The following LMX1A variants were observed in gnomAD, a reference collection of about 807,000 sequenced individuals.
LMX1A encodes the protein LIM homeobox transcription factor 1-alpha.
Under a neutral mutation model 49.1 loss-of-function variants are expected in LMX1A, and 15 were observed. That is an observed-to-expected ratio of 0.31 (90% confidence interval 0.20 to 0.47). The LOEUF is 0.47. Ranked by LOEUF, LMX1A falls within the 20% of genes least tolerant of loss-of-function variation. The pLI, the probability that LMX1A is intolerant of heterozygous loss-of-function variation, is 1.00. For synonymous variants in LMX1A, 167 were observed against 185.7 expected (o/e 0.90, Z 0.82); for missense variants, 372 against 475.8 (o/e 0.78, Z 2.03).
chr1:165,209,587 T>A (rs1651277752), intron 6 of LMX1A, among the ~76,000 whole-genome samples: 1 of 152,144 alleles, frequency 6.6e-6, no homozygotes, highest in Admixed American at 6.5e-5. Flanking sequence ...AGGATGGGGA[T>A]AGAGAGCTTC....
chr1:165,251,512 C>T (rs766553459), intron 3 of LMX1A, among the ~76,000 whole-genome samples: 1 of 152,038 alleles, frequency 6.6e-6, no homozygotes, highest in Non-Finnish European at 1.5e-5. Context: ...AGGACTCATA[C>T]AGCAGAGGTA....
intron 6 of LMX1A, among the ~76,000 whole-genome samples, chr1:165,209,032 AGTGT>A (rs1361686324): frequency 6.6e-6 from 1 of 152,096 alleles, no homozygotes; most frequent in Non-Finnish European, 1.5e-5. Flanking sequence ...ATATACTTTG[AGTGT>A]GTGTATGTGT....
At chr1:165,293,032 G>A (rs544714798) in intron 3 of LMX1A, among the ~76,000 whole-genome samples, 6 of 151,844 alleles carry the variant, frequency 4.0e-5, no homozygotes, top group African/African-American at 9.7e-5. Flanking sequence ...CAGAAGATTC[G>A]CTTGAACCCG....
Position 165,275,836 on chromosome 1 carries a change from G to GGTGT in LMX1A, c.264-26200_264-26197dup, listed in dbSNP as rs71661277. Among the ~76,000 whole-genome samples the GGTGT allele has an allele frequency of 8.5e-4, 109 of 128,342 alleles. 1 individual carries two copies. The highest frequency in any genetic ancestry group is 3.5e-3 in the South Asian group (11 of 3,112). 84.2% of individuals were successfully genotyped at this position (128,342 alleles called of 152,430 possible). A position where few individuals can be genotyped will look rare whatever the true frequency, so the allele number is the denominator to read the frequency against. On this transcript the variant is annotated intron_variant, in intron 3 of 8. Transcript: ENST00000342310. ...GTTTCTAGAGCTTTTATGGCGCTGG[G>GGTGT]GTGTGTGTGTATGTGTGTGTGTGTG...
chr1:165,281,982 A>G (rs1401955999), intron 3 of LMX1A, among the ~76,000 whole-genome samples: 1 of 152,184 alleles, frequency 6.6e-6, no homozygotes, highest in African/African-American at 2.4e-5. Flanking sequence ...GAAATGGCCA[A>G]CTGTGGTTAG....
chr1:165,345,465 T>C (rs903203505), intron 3 of LMX1A, among the ~76,000 whole-genome samples: 1 of 152,218 alleles, frequency 6.6e-6, no homozygotes, highest in African/African-American at 2.4e-5. Context: ...TCTGGCCAAA[T>C]GACTCTCCTG....
intron 3 of LMX1A, among the ~76,000 whole-genome samples, chr1:165,285,582 C>A (rs754854212): frequency 6.6e-5 from 10 of 152,172 alleles, no homozygotes; most frequent in African/African-American, 1.2e-4. Flanking sequence ...TGCTTATGGG[C>A]TTCCTCGGGA....
Position 165,204,005 on chromosome 1 carries a change from C to T in LMX1A, c.1024G>A (p.Asp342Asn), listed in dbSNP as rs538869163. 6.8e-6 allele frequency: 11 copies of T among 1,614,038 alleles called. No homozygotes were observed. Among genetic ancestry groups the T allele is most frequent in the African/African-American group, 6.7e-5 (5 of 75,008 alleles). Reference sequence around the variant, plus strand: ...TCACCCAGGTTACTGAGGGAGGTGTCGTCGCTATCCAGGTCATGGAAAAGG... The same window carrying T: ...TCACCCAGGTTACTGAGGGAGGTGTTGTCGCTATCCAGGTCATGGAAAAGG... ...EPLFHDLDSDDTSLSNLGDCF... is the reference protein window; with the variant it reads ...EPLFHDLDSDNTSLSNLGDCF... Residue 342 changes from aspartate (D) to asparagine (N), a missense_variant, in exon 9 of 9, where the codon GAC becomes AAC. Asp to Asn is a conservative substitution (Grantham distance 23). Transcript: ENST00000342310.
At position 165,330,801 on chromosome 1, in the gene LMX1A, A is replaced by G. The variant is rs542017503; in HGVS notation, c.263+22275T>C. On this transcript the variant is annotated intron_variant, in intron 3 of 8. Transcript: ENST00000342310. Reference sequence around the variant, plus strand: ...AAACACAGCAGCTAGAAAGTGAGGGAATAAACCTGGAAAGACACAGAGAAG... The same window carrying G: ...AAACACAGCAGCTAGAAAGTGAGGGGATAAACCTGGAAAGACACAGAGAAG... Among the ~76,000 whole-genome samples the G allele has an allele frequency of 1.4e-4, 22 of 152,314 alleles. No individual in the cohort carries two copies. The South Asian group carries it at 4.6e-3, about 32-fold the overall frequency.
chr1:165,353,605 G>A lies in LMX1A; in HGVS notation c.77-343C>T, dbSNP rs73019192. ...AAATTTGTGCTCTCAGGTTTATTAC[G>A]TCGTAATTAATTATTAAATCACTAT... On this transcript the variant is annotated intron_variant, in intron 2 of 8. Coordinates refer to ENST00000342310, the MANE Select transcript of LMX1A (RefSeq NM_177398.4). Among the ~76,000 whole-genome samples, 520 of 152,214 alleles carry A rather than the reference G, an allele frequency of 3.4e-3. 2 individuals carry two copies. The highest frequency in any genetic ancestry group is 0.012 in the African/African-American group (485 of 41,512).
chr1:165,234,906 G>A (rs1413506886), intron 4 of LMX1A, among the ~76,000 whole-genome samples: 1 of 152,166 alleles, frequency 6.6e-6, no homozygotes, highest in African/African-American at 2.4e-5. Flanking sequence ...TCTCCCATCT[G>A]AAACCAGGCG....
intron 4 of LMX1A, among the ~76,000 whole-genome samples, chr1:165,229,139 G>C (rs1337740205): frequency 6.6e-6 from 1 of 150,662 alleles, no homozygotes; most frequent in South Asian, 2.1e-4. Flanking sequence ...AAAAAAATGT[G>C]GCCATTTAAA....
chr1:165,350,203 G>T (rs918782661), intron 3 of LMX1A, among the ~76,000 whole-genome samples: 3 of 129,822 alleles, frequency 2.3e-5, no homozygotes, highest in Non-Finnish European at 4.9e-5. Flanking sequence ...AAAAAGCAAA[G>T]CTATGTTTAC....
Position 165,340,119 on chromosome 1 carries a change from G to T in LMX1A, c.263+12957C>A, listed in dbSNP as rs529309133. 4.6e-5 allele frequency among the ~76,000 whole-genome samples: 7 copies of T among 152,138 alleles called. No homozygotes were observed. In the South Asian group the frequency reaches 8.3e-4, roughly 18 times the overall value. Reference sequence around the variant, plus strand: ...GCCTCTAGCAAACCTAGTTTGTTTGGTTTTTTGAGACAGGGTCTTGCTCTG... The same window carrying T: ...GCCTCTAGCAAACCTAGTTTGTTTGTTTTTTTGAGACAGGGTCTTGCTCTG... On this transcript the variant is annotated intron_variant, in intron 3 of 8. Coordinates refer to ENST00000342310, the MANE Select transcript of LMX1A (RefSeq NM_177398.4).
intron 3 of LMX1A, among the ~76,000 whole-genome samples, chr1:165,262,225 G>A (rs559063336): frequency 1.1e-4 from 16 of 152,214 alleles, no homozygotes; most frequent in South Asian, 4.1e-4. Context: ...TGAGGAAAGC[G>A]CTAGAAAAGC....
intron 4 of LMX1A, among the ~76,000 whole-genome samples, chr1:165,225,649 C>T (rs550933121): frequency 1.3e-5 from 2 of 152,296 alleles, no homozygotes; most frequent in African/African-American, 2.4e-5. Context: ...CAGTGGTTTT[C>T]AAAATGAGCA....
intron 4 of LMX1A, among the ~76,000 whole-genome samples, chr1:165,220,379 C>T (rs1245753810): frequency 6.6e-6 from 1 of 152,040 alleles, no homozygotes; most frequent in East Asian, 1.9e-4. Flanking sequence ...ATTTAGAAAG[C>T]CCAGTGGGAA....
chr1:165,244,853 C>T (rs1571173920), intron 4 of LMX1A, among the ~76,000 whole-genome samples: 1 of 12,150 alleles, frequency 8.2e-5, no homozygotes, highest in Non-Finnish European at 1.5e-4. Flanking sequence ...TCCAAGTTGC[C>T]CAGTGTCAAA....
chr1:165,281,780 C>G (rs72702437), intron 3 of LMX1A, among the ~76,000 whole-genome samples: 10,017 of 145,928 alleles, frequency 0.069, 391 homozygotes, highest in Middle Eastern at 0.14. Context: ...GTGTGTGAAG[C>G]CACTGTCCTT....
Sources: gnomAD v4.1 joint callset for allele counts (sites outside exome capture counted in the v4.1 genomes callset) on GRCh38, gnomAD v4.1.1 for gene constraint, MANE v1.5 for transcripts, NCBI Gene and HGNC (gene_info 2026-07-23, HGNC 2026-07-21) for gene names.